Variants in KCTD2 observed in about 807,000 individuals in gnomAD.
KCTD2 encodes the protein BTB/POZ domain-containing protein KCTD2.
KCTD2 carries 18 observed loss-of-function variants against 27.9 expected under a neutral mutation model. The ratio of observed to expected loss-of-function variants is 0.64; its 90% CI spans 0.45 to 0.96. The LOEUF is 0.96. Among genes scored for constraint, KCTD2 ranks in the 40% least tolerant of loss-of-function variants. The pLI, the probability that KCTD2 is intolerant of heterozygous loss-of-function variation, is 0.00. For missense variants in KCTD2, 280 were observed against 348.0 expected, an observed-to-expected ratio of 0.80 and a Z score of 1.56; for synonymous variants, 175 against 148.4, an observed-to-expected ratio of 1.18 and a Z score of -1.30.
chr17:75,044,045 G>A (rs2073187276), upstream of KCTD2, among the ~76,000 whole-genome samples: 3 of 136,688 alleles, frequency 2.2e-5, no homozygotes, highest in Admixed American at 2.2e-4. Flanking sequence ...TTTTTTTTGA[G>A]ATGGAGTTTC....
chr17:75,058,349 A>T (rs902414709), intron 3 of KCTD2, among the ~76,000 whole-genome samples: 5 of 148,848 alleles, frequency 3.4e-5, no homozygotes, highest in South Asian at 2.2e-4. Flanking sequence ...AAAAAAAAAT[A>T]AAAAATTAGC....
At chr17:75,047,615 C>T (rs760396294) in intron 1 of KCTD2, 26 bp downstream of exon 1, 2 of 1,593,574 alleles carry the variant, frequency 1.3e-6, no homozygotes, top group Non-Finnish European at 1.7e-6. Flanking sequence ...GGGCGCGCCC[C>T]CGGGCCTTCG....
chr17:75,040,181 C>G, intron 3 of KCTD2: 3 of 1,611,348 alleles, frequency 1.9e-6, no homozygotes, highest in Non-Finnish European at 2.5e-6. Flanking sequence ...CACAAGGGCA[C>G]GGGAACCTTC....
intron 3 of KCTD2, chr17:75,039,191 GCTACCCATCATCCTTACCTCTTT>G (rs749338930): frequency 5.7e-5 from 92 of 1,613,890 alleles, no homozygotes; most frequent in Non-Finnish European, 6.1e-5. Flanking sequence ...ATAGGCAACG[GCTACCCATCATCCTTACCTCTTT>G]CTCATATTCT....
chr17:75,047,666 GA>G, intron 1 of KCTD2, 77 bp downstream of exon 1: 1 of 1,454,054 alleles, frequency 6.9e-7, no homozygotes, highest in South Asian at 1.3e-5. Context: ...AGAGTCCTGA[GA>G]CACGCTCCTC....
chr17:75,062,585 C>G (rs2073415028), intron 5 of KCTD2, among the ~76,000 whole-genome samples: 1 of 151,962 alleles, frequency 6.6e-6, no homozygotes, highest in South Asian at 2.1e-4. Context: ...TAAAACTGTG[C>G]TTTTTTCACT....
In KCTD2 at chr17:75,062,254, C is replaced by T. The variant is rs776113976; in HGVS notation, c.762+9C>T. 23 of 1,609,026 alleles carry T rather than the reference C, an allele frequency of 1.4e-5. No individual in the cohort carries two copies. The highest frequency in any genetic ancestry group is 2.0e-5 in the Non-Finnish European group (23 of 1,177,954). On this transcript the variant is annotated intron_variant, in intron 5 of 5. Transcript: ENST00000322444. ...CGAGCGAAAAGGCGAAGGTAAGGAG[C>T]CCCTTCCCTGGGCAGTTGCCTCTGG...
intron 3 of KCTD2, chr17:75,039,911 G>T: frequency 1.5e-6 from 1 of 678,682 alleles, no homozygotes; most frequent in African/African-American, 1.8e-5. Flanking sequence ...TTTTCTTGTT[G>T]GCTTCTTTCA....
At chr17:75,053,606 A>G (rs1456032747) in intron 3 of KCTD2, among the ~76,000 whole-genome samples, 1 of 151,498 alleles carries the variant, frequency 6.6e-6, no homozygotes, top group Non-Finnish European at 1.5e-5. Flanking sequence ...ACGCCTGACT[A>G]ATTTTTGTAT....
intron 3 of KCTD2, among the ~76,000 whole-genome samples, chr17:75,037,263 G>C (rs2073111630): frequency 6.6e-6 from 1 of 150,516 alleles, no homozygotes; most frequent in Non-Finnish European, 1.5e-5. Context: ...AGAATGGTGT[G>C]AACCCGGGAG....
chr17:75,034,897 C>T (rs906334295), intron 2 of KCTD2, among the ~76,000 whole-genome samples: 3 of 152,106 alleles, frequency 2.0e-5, no homozygotes, highest in African/African-American at 7.2e-5. Flanking sequence ...CGTCAGACGC[C>T]TCATCCCTTA....
chr17:75,054,632 C>T (rs142756079), intron 3 of KCTD2, among the ~76,000 whole-genome samples: 3,510 of 151,956 alleles, frequency 0.023, 129 homozygotes, highest in African/African-American at 0.081. Flanking sequence ...GGTGAAACCC[C>T]GTCTCTACTA....
intron 5 of KCTD2, among the ~76,000 whole-genome samples, chr17:75,062,699 A>ACACACACACACACACACACAC (rs1555642380): frequency 3.4e-5 from 4 of 116,072 alleles, no homozygotes; most frequent in Non-Finnish European, 5.5e-5. Flanking sequence ...CCTCACCCCC[A>ACACACACACACACACACACAC]ACACACACAC....
At chr17:75,038,873 T>G in intron 3 of KCTD2, 1 of 1,545,156 alleles carries the variant, frequency 6.5e-7, no homozygotes, top group South Asian at 1.2e-5. Flanking sequence ...TGTATAATTA[T>G]TATTTTTAAT....
chr17:75,034,764 G>A (rs1369422008), intron 2 of KCTD2, among the ~76,000 whole-genome samples: 1 of 152,098 alleles, frequency 6.6e-6, no homozygotes, highest in African/African-American at 2.4e-5. Context: ...GCATAGCTGG[G>A]AGGAATAGGG....
At chr17:75,038,511 T>C (rs1219357167) in intron 3 of KCTD2, among the ~76,000 whole-genome samples, 1 of 152,244 alleles carries the variant, frequency 6.6e-6, no homozygotes. Flanking sequence ...ATCCCTGCTG[T>C]TACACCTAGC....
At chr17:75,056,597 C>G (rs543970460) in intron 3 of KCTD2, among the ~76,000 whole-genome samples, 2 of 152,144 alleles carry the variant, frequency 1.3e-5, no homozygotes, top group Non-Finnish European at 2.9e-5. Context: ...CTAGGAATGT[C>G]AAGACCTTTT....
chr17:75,056,830 A>G (rs1163874411), intron 3 of KCTD2, among the ~76,000 whole-genome samples: 1 of 152,046 alleles, frequency 6.6e-6, no homozygotes, highest in East Asian at 1.9e-4. Context: ...AGCCCCTCAC[A>G]CATGCAGGAT....
At chr17:75,040,224 G>C (rs2073145374) in intron 3 of KCTD2, 2 of 1,602,586 alleles carry the variant, frequency 1.2e-6, no homozygotes, top group South Asian at 1.1e-5. Context: ...AGGACAGTGA[G>C]TCGTCGCCAA....
Sources: gnomAD v4.1 joint callset for allele counts (sites outside exome capture counted in the v4.1 genomes callset) on GRCh38, gnomAD v4.1.1 for gene constraint, MANE v1.5 for transcripts, NCBI Gene and HGNC (gene_info 2026-07-23, HGNC 2026-07-21) for gene names.